The following ALK variants were observed in gnomAD, a reference collection of about 807,000 sequenced individuals.
The protein encoded by ALK is ALK tyrosine kinase receptor.
ALK carries 74 observed loss-of-function variants against 163.1 expected under a neutral mutation model. The ratio of observed to expected loss-of-function variants is 0.45; its 90% CI spans 0.38 to 0.55. The LOEUF is 0.55. ALK is among the 20% of genes least tolerant of loss of function. The pLI, the probability that ALK is intolerant of heterozygous loss-of-function variation, is 0.00. For synonymous variants in ALK, 960 were observed against 843.2 expected, an observed-to-expected ratio of 1.14 and a Z score of -2.40; for missense variants, 2,063 against 2,105.3, an observed-to-expected ratio of 0.98 and a Z score of 0.39.
intron 5 of ALK, among the ~76,000 whole-genome samples, chr2:29,382,754 A>G (rs986712382): frequency 1.3e-5 from 2 of 152,214 alleles, no homozygotes; most frequent in African/African-American, 4.8e-5. Context: ...GCCTCATATC[A>G]TAGGTTAACC....
At chr2:29,540,335 A>G (rs1673379338) in intron 3 of ALK, among the ~76,000 whole-genome samples, 1 of 152,158 alleles carries the variant, frequency 6.6e-6, no homozygotes, top group South Asian at 2.1e-4. Context: ...ACAGATATAG[A>G]TAAGTGGCAC....
chr2:29,832,414 G>A (rs1665443910), intron 1 of ALK, among the ~76,000 whole-genome samples: 1 of 151,940 alleles, frequency 6.6e-6, no homozygotes, highest in African/African-American at 2.4e-5. Context: ...ATCTTTCAAA[G>A]GGGCAAACCG....
At chr2:29,408,567 T>C (rs765878549) in intron 4 of ALK, among the ~76,000 whole-genome samples, 1 of 152,236 alleles carries the variant, frequency 6.6e-6, no homozygotes, top group African/African-American at 2.4e-5. Flanking sequence ...TCGAGGTATA[T>C]GCATATATTA....
chr2:29,284,290 G>A (rs755671815), intron 9 of ALK, among the ~76,000 whole-genome samples: 8 of 152,034 alleles, frequency 5.3e-5, no homozygotes, highest in Non-Finnish European at 1.2e-4. Flanking sequence ...AAGGGTGGAA[G>A]TTATGAGCAT....
rs779663817 is a variant in ALK at position 29,193,502 on chromosome 2, C to T, written c.4585G>A (p.Asp1529Asn). The T allele has an allele frequency of 2.2e-5, 36 of 1,614,056 alleles. No individual in the cohort carries two copies. The highest frequency in any genetic ancestry group is 3.3e-5 in the South Asian group (3 of 91,080). ...CCCTCCAGCCCCAGGTTACCCCTGT[C>T]GTGTGGCTCCTTCTTTGCTATAGGA... ...NNPIAKKEPH[D>N]RGNLGLEGSC... is the part of the protein sequence containing the mutation. Residue 1529 changes from aspartate to asparagine, a missense_variant, in exon 29 of 29, where the codon GAC becomes AAC. Coordinates refer to ENST00000389048, the MANE Select transcript of ALK (RefSeq NM_004304.5).
intron 1 of ALK, among the ~76,000 whole-genome samples, chr2:29,778,209 G>C (rs1681232372): frequency 6.6e-6 from 1 of 152,222 alleles, no homozygotes; most frequent in East Asian, 1.9e-4. Context: ...GATGCGCTCT[G>C]CAGTCCTTGG....
intron 3 of ALK, among the ~76,000 whole-genome samples, chr2:29,617,922 C>A (rs921053832): frequency 6.6e-6 from 1 of 152,164 alleles, no homozygotes; most frequent in Non-Finnish European, 1.5e-5. Flanking sequence ...GGCAGCACAC[C>A]CATAGTCCTG....
intron 1 of ALK, among the ~76,000 whole-genome samples, chr2:29,917,920 T>G (rs1473253324): frequency 6.6e-6 from 1 of 152,238 alleles, no homozygotes; most frequent in African/African-American, 2.4e-5. Flanking sequence ...TGTCAAATGA[T>G]GCATAAGGGC....
At chr2:29,524,313 T>A (rs1481013399) in intron 4 of ALK, among the ~76,000 whole-genome samples, 1 of 152,180 alleles carries the variant, frequency 6.6e-6, no homozygotes, top group Non-Finnish European at 1.5e-5. Flanking sequence ...ATGACCAAAT[T>A]TCAGAGGAGT....
At chr2:29,420,820 C>T (rs1010401542) in intron 4 of ALK, among the ~76,000 whole-genome samples, 6 of 151,506 alleles carry the variant, frequency 4.0e-5, no homozygotes, top group Non-Finnish European at 8.8e-5. Context: ...ATAATAACCA[C>T]ACGGAGGAGA....
At chr2:29,387,470 G>C (rs1425622371) in intron 4 of ALK, among the ~76,000 whole-genome samples, 3 of 152,318 alleles carry the variant, frequency 2.0e-5, no homozygotes, top group Middle Eastern at 3.4e-3. Context: ...CTACAGGCTA[G>C]AAGAGATATG....
At position 29,908,590 on chromosome 2, in the gene ALK, C is replaced by T. The variant is rs192677291; in HGVS notation, c.667+11403G>A. ...AGATATCCTTTGACCTGACTCCCTG[C>T]CAAAAGGCAATAAGCTTATTGTTTC... is the stretch of plus-strand genomic sequence containing the variant. On this transcript the variant is annotated intron_variant, in intron 1 of 28. Transcript: ENST00000389048. Among the ~76,000 whole-genome samples, 422 of 152,366 alleles carry T rather than the reference C, an allele frequency of 2.8e-3. 7 individuals carry two copies. Among genetic ancestry groups the T allele is most frequent in the Non-Finnish European group, 1.1e-3 (76 of 68,040 alleles).
intron 4 of ALK, among the ~76,000 whole-genome samples, chr2:29,504,002 T>C (rs2148134184): frequency 6.6e-6 from 1 of 151,898 alleles, no homozygotes; most frequent in East Asian, 2.0e-4. Context: ...GTGAGGTGAT[T>C]TGGACAATAA....
chr2:29,192,887 G>GC lies in ALK; in HGVS notation c.*336dup. On this transcript the variant is annotated 3_prime_UTR_variant, in exon 29 of 29. Transcript: ENST00000389048. ...ACCCCAACTATGAAACATAGAAGCA[G>GC]CTAATTCTGACTACATTGAAGCAGA... The GC allele has an allele frequency of 2.4e-6, 1 of 424,446 alleles. No individual in the cohort carries two copies. Among genetic ancestry groups the GC allele is most frequent in the Non-Finnish European group, 4.4e-6 (1 of 228,058 alleles). The allele number at this position is 424,446 out of a possible 1,614,324, so 26.3% of individuals were successfully genotyped here.
rs567781377 is a variant in ALK, at chr2:29,738,944, A to G, written c.668-21247T>C. 3.9e-5 allele frequency among the ~76,000 whole-genome samples: 6 copies of G among 152,178 alleles called. No homozygotes were observed. The South Asian group carries it at 6.2e-4, about 16-fold the overall frequency. ...ATGTGCAGAAAAGGGAGAAAAGAAC[A>G]TTATTATATTGGCTAGGCACAGTGG... On this transcript the variant is annotated intron_variant, in intron 1 of 28. Transcript: ENST00000389048.
chr2:29,272,494 C>T (rs1031840772), intron 11 of ALK, among the ~76,000 whole-genome samples: 7 of 152,224 alleles, frequency 4.6e-5, no homozygotes, highest in African/African-American at 1.7e-4. Context: ...GGCTGAGTCC[C>T]TCATCAGAAG....
intron 4 of ALK, among the ~76,000 whole-genome samples, chr2:29,517,571 G>A (rs2148146180): frequency 6.6e-6 from 1 of 152,232 alleles, no homozygotes; most frequent in Non-Finnish European, 1.5e-5. Context: ...CCAGGTGATT[G>A]AAAAAGCATT....
At chr2:29,613,136 G>A (rs1675742268) in intron 3 of ALK, among the ~76,000 whole-genome samples, 1 of 152,176 alleles carries the variant, frequency 6.6e-6, no homozygotes, top group African/African-American at 2.4e-5. Flanking sequence ...TTACTCATAA[G>A]TGTTCTGTCA....
At chr2:29,772,836 C>T (rs1261338755) in intron 1 of ALK, among the ~76,000 whole-genome samples, 1 of 152,186 alleles carries the variant, frequency 6.6e-6, no homozygotes, top group Non-Finnish European at 1.5e-5. Context: ...CAGCCTCTTA[C>T]AGGTCTTGAT....
Sources: gnomAD v4.1 joint callset for allele counts (sites outside exome capture counted in the v4.1 genomes callset) on GRCh38, gnomAD v4.1.1 for gene constraint, MANE v1.5 for transcripts, NCBI Gene and HGNC (gene_info 2026-07-23, HGNC 2026-07-21) for gene names.